LAMC2: variants seen among roughly 807,000 people sequenced by gnomAD.
The protein encoded by LAMC2 is laminin subunit gamma-2.
In LAMC2, 97 loss-of-function variants were observed where a neutral mutation model predicts 140.2. That is an observed-to-expected ratio of 0.69 (90% CI 0.59 to 0.82). The LOEUF (loss-of-function observed/expected upper bound fraction) is 0.82. Ranked by LOEUF, LAMC2 falls within the 40% of genes least tolerant of loss-of-function variation. The pLI is 0.00. For synonymous variants in LAMC2, 513 were observed against 540.2 expected, an observed-to-expected ratio of 0.95 and a Z score of 0.70; for missense variants, 1,402 against 1,476.1, an observed-to-expected ratio of 0.95 and a Z score of 0.82.
Position 183,232,264 on chromosome 1 carries a change from T to G in LAMC2, c.1935T>G (p.Pro645=), listed in dbSNP as rs745379737. 25 of 1,614,080 alleles carry G rather than the reference T, an allele frequency of 1.5e-5. No individual in the cohort carries two copies. Among genetic ancestry groups the G allele is most frequent in the Non-Finnish European group, 2.0e-5 (24 of 1,180,024 alleles). The change falls in exon 13 of 23, where the codon CCT becomes CCG. Residue 645 remains proline (P), a synonymous_variant. Coordinates refer to ENST00000264144, the MANE Select transcript of LAMC2 (RefSeq NM_005562.3). Reference sequence around the variant, plus strand: ...CTCAGGGTGGTGATGGAGTAGTACCTGATACAGAGCTGGAAGGCAGGATGC... The same window carrying G: ...CTCAGGGTGGTGATGGAGTAGTACCGGATACAGAGCTGGAAGGCAGGATGC... ...SKAQGGDGVV[P]DTELEGRMQQ... is the part of the protein sequence containing the mutation.
chr1:183,235,512 T>G, intron 15 of LAMC2, 63 bp from the exon 16 acceptor site: 1 of 1,593,236 alleles, frequency 6.3e-7, no homozygotes, highest in Non-Finnish European at 8.6e-7. Flanking sequence ...TTCGTGTAAC[T>G]GAACAACCTA....
the LAMC2 span, among the ~76,000 whole-genome samples, chr1:183,253,424 G>T: frequency 1.3e-4 from 19 of 151,322 alleles, no homozygotes; most frequent in Admixed American, 1.3e-3. Context: ...ATATGTATTT[G>T]TTCTTCTTGT....
the LAMC2 span, among the ~76,000 whole-genome samples, chr1:183,258,144 G>C: frequency 1.3e-5 from 2 of 152,178 alleles, no homozygotes; most frequent in East Asian, 3.8e-4. Flanking sequence ...AGGTATAAAG[G>C]ACTCCAGTGA....
rs545636078 is a variant in LAMC2 at position 183,235,173 on chromosome 1, C to A, written c.2301-402C>A. 3.9e-5 allele frequency among the ~76,000 whole-genome samples: 6 copies of A among 152,248 alleles called. No individual in the cohort carries two copies. The South Asian group carries it at 1.2e-3, about 32-fold the overall frequency. On this transcript the variant is annotated intron_variant, in intron 15 of 22. Transcript: ENST00000264144. ...ATTTTTATAGACATGCTTTGTCCCC[C>A]TAGTGGTGGGCCCAGTTTAGAGCTG...
At chr1:183,222,271 G>A in intron 6 of LAMC2, 60 bp downstream of exon 6, 1 of 1,568,456 alleles carries the variant, frequency 6.4e-7, no homozygotes, top group South Asian at 1.1e-5. Context: ...AGTCAAGATA[G>A]AGAAATTGAG....
chr1:183,255,549 G>C, the LAMC2 span, among the ~76,000 whole-genome samples: 34 of 152,068 alleles, frequency 2.2e-4, no homozygotes, highest in African/African-American at 7.7e-4. Flanking sequence ...TCTGATCCAT[G>C]AGCATGAAAT....
chr1:183,232,899 T>A (rs1558095929), intron 14 of LAMC2, 42 bp downstream of exon 14: 2 of 1,568,812 alleles, frequency 1.3e-6, no homozygotes, highest in Non-Finnish European at 1.8e-6. Flanking sequence ...TACTGCTGTG[T>A]TGGGAGACCT....
At chr1:183,252,731 C>T in the LAMC2 span, 1 of 1,613,718 alleles carries the variant, frequency 6.2e-7, no homozygotes, top group Admixed American at 1.7e-5. Context: ...CGTCCCCATG[C>T]TGCAGGGCCA....
chr1:183,254,215 G>C, the LAMC2 span, among the ~76,000 whole-genome samples: 2 of 152,074 alleles, frequency 1.3e-5, no homozygotes, highest in Admixed American at 6.6e-5. Context: ...CAGTGTACAA[G>C]GGTTCCCTTT....
downstream of LAMC2, among the ~76,000 whole-genome samples, chr1:183,247,733 GA>G (rs1660268499): frequency 6.6e-6 from 1 of 152,172 alleles, no homozygotes; most frequent in South Asian, 2.1e-4. Flanking sequence ...TAGGGTGTGT[GA>G]TATGACTGAA....
At chr1:183,190,015 C>A (rs150592926) in intron 1 of LAMC2, among the ~76,000 whole-genome samples, 8 of 152,268 alleles carry the variant, frequency 5.3e-5, no homozygotes, top group South Asian at 2.1e-4. Context: ...TTATTTAAAT[C>A]ATTGAAGTGG....
intron 6 of LAMC2, among the ~76,000 whole-genome samples, chr1:183,222,917 A>G (rs965287293): frequency 1.3e-5 from 2 of 152,218 alleles, no homozygotes; most frequent in African/African-American, 2.4e-5. Flanking sequence ...GAATTGTCTT[A>G]TAACAAGGCC....
At chr1:183,235,443 A>G in intron 15 of LAMC2, 132 bp from the exon 16 acceptor site, 2 of 965,672 alleles carry the variant, frequency 2.1e-6, no homozygotes, top group Non-Finnish European at 3.2e-6. Context: ...AATTCCATGT[A>G]ATTTGAGTCA....
chr1:183,204,455 G>GAA (rs79056040), intron 1 of LAMC2, among the ~76,000 whole-genome samples: 5 of 129,434 alleles, frequency 3.9e-5, no homozygotes, highest in African/African-American at 2.6e-5. Flanking sequence ...CAAACAAACA[G>GAA]AAAAAAAAAA....
chr1:183,206,680 T>C (rs1416291236), intron 1 of LAMC2, among the ~76,000 whole-genome samples: 1 of 151,106 alleles, frequency 6.6e-6, no homozygotes, highest in Admixed American at 6.6e-5. Flanking sequence ...ATGTACATTG[T>C]CCCCTTGTAT....
intron 4 of LAMC2, 100 bp from the exon 5 acceptor site, chr1:183,220,725 C>A: frequency 8.0e-7 from 1 of 1,248,158 alleles, no homozygotes; most frequent in Non-Finnish European, 1.1e-6. Flanking sequence ...TTAATAGGGC[C>A]AAATGGAAGA....
chr1:183,248,744 T>G (rs910611586), downstream of LAMC2: 1 of 152,236 alleles, frequency 6.6e-6, no homozygotes, highest in Non-Finnish European at 1.5e-5. Flanking sequence ...CCTGTTTCCA[T>G]TCTTCCCATC....
At chr1:183,240,219 A>T in intron 21 of LAMC2, 21 bp downstream of exon 21, 1 of 1,614,244 alleles carries the variant, frequency 6.2e-7, no homozygotes, top group Non-Finnish European at 8.5e-7. Context: ...GTTGCTTTCC[A>T]CGGGAGATCC....
intron 1 of LAMC2, among the ~76,000 whole-genome samples, chr1:183,198,295 CCACACCCG>C (rs1257860973): frequency 6.6e-6 from 1 of 151,904 alleles, no homozygotes; most frequent in East Asian, 1.9e-4. Context: ...GTGCCTGCCA[CCACACCCG>C]GCTAATTTTT....
Sources: allele counts gnomAD v4.1 joint callset (sites outside exome capture counted in the v4.1 genomes callset), GRCh38; gene constraint gnomAD v4.1.1; transcripts MANE v1.5; gene names NCBI Gene and HGNC (gene_info 2026-07-23, HGNC 2026-07-21).